THSD4: variants seen among roughly 807,000 people sequenced by gnomAD.
THSD4 encodes thrombospondin type-1 domain-containing protein 4.
THSD4 carries 69 observed loss-of-function variants against 119.0 expected under a neutral mutation model. The observed-to-expected ratio is 0.58, with a 90% CI of 0.48 to 0.71. The LOEUF (loss-of-function observed/expected upper bound fraction) is 0.71, where lower values mean the gene tolerates loss of function less well. Among genes scored for constraint, THSD4 ranks in the 30% least tolerant of loss-of-function variants. The pLI, the probability that THSD4 is intolerant of heterozygous loss-of-function variation, is 0.00. For synonymous variants in THSD4, 524 were observed against 540.4 expected, an observed-to-expected ratio of 0.97 and a Z score of 0.42; for missense variants, 1,393 against 1,391.1, an observed-to-expected ratio of 1.00 and a Z score of -0.02.
intron 6 of THSD4, among the ~76,000 whole-genome samples, chr15:71,300,428 G>T (rs556527261): frequency 6.6e-6 from 1 of 152,224 alleles, no homozygotes; most frequent in East Asian, 1.9e-4. Context: ...TAACGTTCAG[G>T]GGCTTTCAAA....
intron 7 of THSD4, among the ~76,000 whole-genome samples, chr15:71,626,367 T>C (rs1222970168): frequency 6.6e-6 from 1 of 152,254 alleles, no homozygotes; most frequent in East Asian, 1.9e-4. Context: ...ACATGGTGAC[T>C]GTGGGCATCT....
At chr15:71,133,696 C>G (rs1248304958) in intron 1 of THSD4, among the ~76,000 whole-genome samples, 1 of 152,168 alleles carries the variant, frequency 6.6e-6, no homozygotes, top group Non-Finnish European at 1.5e-5. Flanking sequence ...ATCATGTCAT[C>G]TGAAATTGAA....
At chr15:71,117,816 GCTATGTGCCAGGGACTGTTA>G (rs985107335) in intron 1 of THSD4, among the ~76,000 whole-genome samples, 15 of 152,292 alleles carry the variant, frequency 9.8e-5, no homozygotes, top group African/African-American at 1.9e-4. Flanking sequence ...CTGAGCGTCT[GCTATGTGCCAGGGACTGTTA>G]CTATGTGCCA....
chr15:71,273,096 A>T (rs1357670303), intron 6 of THSD4, among the ~76,000 whole-genome samples: 3 of 152,218 alleles, frequency 2.0e-5, no homozygotes, highest in Non-Finnish European at 1.5e-5. Context: ...CTGCACTTTC[A>T]TGTTCACTGC....
intron 7 of THSD4, among the ~76,000 whole-genome samples, chr15:71,600,730 CT>C (rs774794883): frequency 2.0e-5 from 3 of 147,574 alleles, no homozygotes; most frequent in South Asian, 2.2e-4. Flanking sequence ...TCATGCCTGT[CT>C]TTTTTTTTCT....
At chr15:71,322,399 G>T (rs1344868659) in intron 6 of THSD4, among the ~76,000 whole-genome samples, 1 of 152,126 alleles carries the variant, frequency 6.6e-6, no homozygotes, top group African/African-American at 2.4e-5. Flanking sequence ...AACTTGCTAG[G>T]CCTGTTAAAT....
intron 7 of THSD4, among the ~76,000 whole-genome samples, chr15:71,480,557 G>A (rs577486461): frequency 1.3e-5 from 2 of 152,298 alleles, no homozygotes; most frequent in Non-Finnish European, 2.9e-5. Flanking sequence ...CTTCTTGCTC[G>A]TGAGTTTTCA....
intron 7 of THSD4, among the ~76,000 whole-genome samples, chr15:71,457,033 C>T (rs987775392): frequency 6.6e-6 from 1 of 152,114 alleles, no homozygotes. Context: ...GTCTCATGAA[C>T]ATCCATTAAA....
At chr15:71,232,685 A>G (rs1451543751) in intron 4 of THSD4, among the ~76,000 whole-genome samples, 2 of 152,132 alleles carry the variant, frequency 1.3e-5, no homozygotes, top group South Asian at 2.1e-4. Flanking sequence ...GATACAGGGG[A>G]AGGGAGACGA....
chr15:71,761,079 A>G (rs913064262), intron 15 of THSD4, among the ~76,000 whole-genome samples: 2 of 152,154 alleles, frequency 1.3e-5, no homozygotes, highest in African/African-American at 4.8e-5. Context: ...AATCACTTAT[A>G]TGTTTGGACT....
chr15:71,634,627 G>C (rs1318275251), intron 7 of THSD4, among the ~76,000 whole-genome samples: 1 of 152,194 alleles, frequency 6.6e-6, no homozygotes, highest in Non-Finnish European at 1.5e-5. Flanking sequence ...GTGGCTGGGG[G>C]ACTGTCTCAT....
At chr15:71,253,845 G>C (rs964114568) in intron 5 of THSD4, among the ~76,000 whole-genome samples, 7 of 152,138 alleles carry the variant, frequency 4.6e-5, no homozygotes, top group Non-Finnish European at 7.4e-5. Context: ...ACCTCTCTCT[G>C]TGTATGTATA....
intron 3 of THSD4, among the ~76,000 whole-genome samples, chr15:71,199,699 G>GAT (rs2043766816): frequency 1.8e-5 from 1 of 56,150 alleles, no homozygotes; most frequent in Non-Finnish European, 4.1e-5. Context: ...TGGTGTGTGT[G>GAT]GTGTCTGGGT....
At chr15:71,446,093 C>T (rs2047177045) in intron 7 of THSD4, among the ~76,000 whole-genome samples, 2 of 152,234 alleles carry the variant, frequency 1.3e-5, no homozygotes, top group Non-Finnish European at 2.9e-5. Context: ...CAACATCTAA[C>T]TAATCACCCA....
chr15:71,240,861 C>A (rs2044147059), intron 4 of THSD4, among the ~76,000 whole-genome samples: 2 of 151,198 alleles, frequency 1.3e-5, no homozygotes, highest in Non-Finnish European at 2.9e-5. Context: ...ATATGACTAA[C>A]TTCTTAATTG....
intron 11 of THSD4, 40 bp downstream of exon 11, chr15:71,738,047 C>T: frequency 6.2e-7 from 1 of 1,606,962 alleles, no homozygotes; most frequent in Non-Finnish European, 8.5e-7. Context: ...CTGCAGAACC[C>T]TAAGCAAGGA....
intron 7 of THSD4, among the ~76,000 whole-genome samples, chr15:71,553,626 C>T (rs1185686725): frequency 6.6e-6 from 1 of 152,158 alleles, no homozygotes; most frequent in African/African-American, 2.4e-5. Context: ...CTCTTCCAGA[C>T]TTAAATGGGA....
At chr15:71,394,338 T>A (rs539060224) in intron 6 of THSD4, among the ~76,000 whole-genome samples, 3 of 142,858 alleles carry the variant, frequency 2.1e-5, no homozygotes, top group Non-Finnish European at 3.0e-5. Context: ...AGTCGTGCAA[T>A]CTTGGCTCAC....
intron 10 of THSD4, chr15:71,732,029 G>A (rs117616374): frequency 0.022 from 3,293 of 152,224 alleles, 56 homozygotes; most frequent in Middle Eastern, 0.061. Flanking sequence ...TCTGACCCTG[G>A]CCTCATCACA....
Sources: allele counts gnomAD v4.1 joint callset (sites outside exome capture counted in the v4.1 genomes callset), GRCh38; gene constraint gnomAD v4.1.1; transcripts MANE v1.5; gene names NCBI Gene and HGNC (gene_info 2026-07-23, HGNC 2026-07-21).